Variants in ALCAM observed in about 807,000 individuals in gnomAD.
ALCAM encodes the protein CD166 antigen.
In ALCAM, 30 loss-of-function variants were observed where a neutral mutation model predicts 70.9. That is an observed-to-expected ratio of 0.42 (90% CI 0.32 to 0.57). The LOEUF is 0.57. ALCAM is among the 20% of genes least tolerant of loss of function. ALCAM has a pLI of 0.11. For missense variants in ALCAM, 591 were observed against 695.1 expected, an observed-to-expected ratio of 0.85 and a Z score of 1.68; for synonymous variants, 249 against 242.5, an observed-to-expected ratio of 1.03 and a Z score of -0.25.
chr3:105,466,437 A>G (rs957444825), intron 1 of ALCAM, among the ~76,000 whole-genome samples: 1 of 151,518 alleles, frequency 6.6e-6, no homozygotes, highest in Admixed American at 6.6e-5. Context: ...TTAAAGCTGC[A>G]TATGTTCAGA....
intron 1 of ALCAM, among the ~76,000 whole-genome samples, chr3:105,476,064 T>A (rs950524341): frequency 6.6e-6 from 1 of 152,000 alleles, no homozygotes; most frequent in Non-Finnish European, 1.5e-5. Flanking sequence ...AGACCAACAA[T>A]GGCCTGTATT....
intron 1 of ALCAM, among the ~76,000 whole-genome samples, chr3:105,493,372 T>C (rs1012211621): frequency 2.0e-5 from 3 of 152,188 alleles, no homozygotes; most frequent in Non-Finnish European, 4.4e-5. Context: ...GTAAGCAGAA[T>C]AATGATCTCC....
At chr3:105,369,596 C>T (rs966443198) in intron 1 of ALCAM, among the ~76,000 whole-genome samples, 5 of 152,240 alleles carry the variant, frequency 3.3e-5, no homozygotes, top group Admixed American at 3.3e-4. Flanking sequence ...GTAAGTGCGC[C>T]TTCTTCGGAG....
intron 1 of ALCAM, among the ~76,000 whole-genome samples, chr3:105,489,830 A>AT (rs1938535380): frequency 1.9e-5 from 2 of 102,876 alleles, no homozygotes; most frequent in African/African-American, 8.6e-5. Context: ...CCTGACATAG[A>AT]GAAAAAAATA....
chr3:105,374,360 A>C (rs1935324181), intron 1 of ALCAM, among the ~76,000 whole-genome samples: 1 of 152,100 alleles, frequency 6.6e-6, no homozygotes, highest in African/African-American at 2.4e-5. Context: ...GTTCGAGACC[A>C]GCCTGGCCAA....
rs946668181 is a variant in ALCAM at position 105,370,265 on chromosome 3, A to T, written c.73+2784A>T. Among the ~76,000 whole-genome samples the T allele has an allele frequency of 3.9e-5, 6 of 152,334 alleles. No individual in the cohort carries two copies. The South Asian group carries it at 1.0e-3, about 26-fold the overall frequency. On this transcript the variant is annotated intron_variant, in intron 1 of 15. Transcript: ENST00000306107. ...GATGTAGGACTATTGAAATTGATTAATTTAAAAACTAAAAACTGTTTAACA... is the reference window on the plus strand; with the variant it reads ...GATGTAGGACTATTGAAATTGATTATTTTAAAAACTAAAAACTGTTTAACA...
chr3:105,435,799 G>GT (rs914679842), intron 1 of ALCAM, among the ~76,000 whole-genome samples: 23 of 150,238 alleles, frequency 1.5e-4, no homozygotes, highest in East Asian at 5.8e-4. Context: ...TTGTTTGTTT[G>GT]TTTTTTTTTG....
intron 14 of ALCAM, among the ~76,000 whole-genome samples, chr3:105,567,445 C>T (rs1327283874): frequency 2.0e-5 from 3 of 151,288 alleles, no homozygotes; most frequent in Non-Finnish European, 4.4e-5. Context: ...TTTTTTTTTC[C>T]ACTGCCCTGG....
intron 1 of ALCAM, among the ~76,000 whole-genome samples, chr3:105,413,903 A>G (rs1003165476): frequency 1.3e-5 from 2 of 152,156 alleles, no homozygotes; most frequent in Non-Finnish European, 2.9e-5. Flanking sequence ...GTCATGTGCC[A>G]TGATGTTATT....
At position 105,524,344 on chromosome 3, in the gene ALCAM, G is replaced by A. The variant is rs746416911; in HGVS notation, c.230G>A (p.Ser77Asn). Reference sequence around the variant, plus strand: ...GCCTTCAGATCCTCTACAAAGAAAAGTGTGCAGTACGACGATGTACCAGAA... The same window carrying A: ...GCCTTCAGATCCTCTACAAAGAAAAATGTGCAGTACGACGATGTACCAGAA... ...FIAFRSSTKK[S>N]VQYDDVPEYK... The change falls in exon 3 of 16, where the codon AGT (serine) becomes AAT (asparagine). Residue 77 changes from serine to asparagine, a missense_variant. Around this residue, in one of 2 missense-constraint regions of ALCAM, gnomAD observed 427 missense variants for 450.4 expected, o/e 0.95. Coordinates refer to ENST00000306107, the MANE Select transcript of ALCAM (RefSeq NM_001627.4). The A allele has an allele frequency of 6.2e-7, 1 of 1,614,140 alleles. No individual in the cohort carries two copies. The highest frequency in any genetic ancestry group is 8.5e-7 in the Non-Finnish European group (1 of 1,180,008).
intron 3 of ALCAM, among the ~76,000 whole-genome samples, chr3:105,528,248 A>C (rs1032732905): frequency 5.3e-5 from 8 of 152,158 alleles, no homozygotes; most frequent in Admixed American, 3.9e-4. Flanking sequence ...AGCTGGCTAC[A>C]TGCCAAAAAA....
chr3:105,409,517 A>G (rs1194062101), intron 1 of ALCAM, among the ~76,000 whole-genome samples: 1 of 152,090 alleles, frequency 6.6e-6, no homozygotes, highest in South Asian at 2.1e-4. Context: ...AAGGGTGCAA[A>G]GGCATAAGAA....
At chr3:105,453,313 C>T (rs571165543) in intron 1 of ALCAM, among the ~76,000 whole-genome samples, 1 of 152,256 alleles carries the variant, frequency 6.6e-6, no homozygotes, top group African/African-American at 2.4e-5. Context: ...TTCCCAGCAC[C>T]GTTTATCCAA....
chr3:105,444,618 G>A (rs1474835084), intron 1 of ALCAM, among the ~76,000 whole-genome samples: 1 of 152,104 alleles, frequency 6.6e-6, no homozygotes, highest in African/African-American at 2.4e-5. Flanking sequence ...TTGTTTCAAA[G>A]ATGAAAAATA....
intron 1 of ALCAM, among the ~76,000 whole-genome samples, chr3:105,431,977 A>G (rs1043960040): frequency 2.6e-5 from 4 of 152,194 alleles, no homozygotes; most frequent in African/African-American, 9.6e-5. Context: ...TGAAGATTTC[A>G]TGCAGCAAAA....
chr3:105,414,183 G>A (rs1047249088), intron 1 of ALCAM, among the ~76,000 whole-genome samples: 8 of 151,592 alleles, frequency 5.3e-5, no homozygotes, highest in Non-Finnish European at 1.2e-4. Flanking sequence ...CGGATATCCT[G>A]AGCCCAGGAG....
chr3:105,481,787 T>C (rs1323932604), intron 1 of ALCAM, among the ~76,000 whole-genome samples: 2 of 152,178 alleles, frequency 1.3e-5, no homozygotes, highest in African/African-American at 4.8e-5. Flanking sequence ...TTTAAAGTTA[T>C]GTTTTTTCTT....
At chr3:105,533,726 A>G (rs992071063) in intron 5 of ALCAM, 36 bp downstream of exon 5, 3 of 1,574,708 alleles carry the variant, frequency 1.9e-6, no homozygotes, top group Admixed American at 3.4e-5. Flanking sequence ...GAGTACATTC[A>G]GAGGACCTGT....
intron 1 of ALCAM, among the ~76,000 whole-genome samples, chr3:105,475,391 A>G (rs1938080560): frequency 6.6e-6 from 1 of 152,006 alleles, no homozygotes; most frequent in East Asian, 1.9e-4. Context: ...ACTCAGGTAA[A>G]TCTAGAAAAA....
Sources: gnomAD v4.1 joint callset for allele counts (sites outside exome capture counted in the v4.1 genomes callset) on GRCh38, gnomAD v4.1.1 for gene constraint, gnomAD v4.1.1 regional missense constraint, MANE v1.5 for transcripts, NCBI Gene and HGNC (gene_info 2026-07-23, HGNC 2026-07-21) for gene names.